Variants in PUDP observed in about 807,000 individuals in gnomAD.
PUDP encodes pseudouridine 5'-phosphatase.
A neutral mutation model predicts 9.4 loss-of-function variants in PUDP; 8 were observed. The observed-to-expected ratio is 0.85, with a 90% confidence interval of 0.50 to 1.53. The LOEUF (loss-of-function observed/expected upper bound fraction) is 1.53, where lower values mean the gene tolerates loss of function less well. Ranked by LOEUF, PUDP falls within the 40% of genes most tolerant of loss-of-function variation. The probability of loss-of-function intolerance (pLI) is 0.00; values close to 1 mark genes in which losing one functional copy is unlikely to be tolerated. For missense variants in PUDP, 188 were observed against 189.7 expected (o/e 0.99, Z 0.05); for synonymous variants, 99 against 80.7 (o/e 1.23, Z -1.22).
At chrX:6,939,120 G>A (rs1233566072) in intron 3 of PUDP, among the ~76,000 whole-genome samples, 1 of 109,908 alleles carries the variant, frequency 9.1e-6, no homozygotes, top group Non-Finnish European at 1.9e-5. Flanking sequence ...GGAAGTGGAG[G>A]AAATCCAATT....
At chrX:6,837,628 G>A (rs779204959) in intron 3 of PUDP, among the ~76,000 whole-genome samples, 5 of 112,351 alleles carry the variant, frequency 4.5e-5, no homozygotes, top group Non-Finnish European at 7.5e-5. Context: ...CGCATTCCAC[G>A]TGTTTAGGTG....
intron 3 of PUDP, among the ~76,000 whole-genome samples, chrX:6,910,405 C>T (rs1927831959): frequency 9.0e-6 from 1 of 111,725 alleles, no homozygotes; most frequent in African/African-American, 3.3e-5. Flanking sequence ...TTGAGTACAA[C>T]CAACCTGAAA....
Position 7,072,423 on chromosome X carries a change from A to G in PUDP, c.510+4797T>C, listed in dbSNP as rs535812222. ...AAAATAGAACAGAAAAACAAAAACA[A>G]AAATAATTTTTTTAAAACCTGAAAT... On this transcript the variant is annotated intron_variant, in intron 3 of 3. Coordinates refer to ENST00000381077, the MANE Select transcript of PUDP (RefSeq NM_012080.5). 1.9e-3 allele frequency among the ~76,000 whole-genome samples: 218 copies of G among 112,286 alleles called. 3 individuals are homozygous for G. Among genetic ancestry groups the G allele is most frequent in the Admixed American group, 6.4e-3 (68 of 10,584 alleles).
At chrX:6,709,207 G>T (rs1752878468) in intron 1 of PUDP, among the ~76,000 whole-genome samples, 1 of 111,759 alleles carries the variant, frequency 8.9e-6, no homozygotes, top group Non-Finnish European at 1.9e-5. Flanking sequence ...AAAACCCAAG[G>T]TATTTAGCAT....
intron 2 of PUDP, among the ~76,000 whole-genome samples, chrX:7,079,555 T>C (rs1180352128): frequency 8.9e-6 from 1 of 112,550 alleles, no homozygotes; most frequent in African/African-American, 3.2e-5. Flanking sequence ...ACAAGAAATA[T>C]CCTATTATAA....
chrX:6,888,112 TGACTA>T (rs1346789724), intron 3 of PUDP, among the ~76,000 whole-genome samples: 1 of 111,213 alleles, frequency 9.0e-6, no homozygotes, highest in Admixed American at 9.6e-5. Flanking sequence ...AATTGTTACT[TGACTA>T]AAGTTTGAAC....
chrX:6,736,354 G>A (rs761848281), intron 3 of PUDP, among the ~76,000 whole-genome samples: 9 of 111,550 alleles, frequency 8.1e-5, no homozygotes, highest in Non-Finnish European at 1.5e-4. Context: ...CCTAATACCT[G>A]GAACCAGGAA....
chrX:7,027,752 T>C (rs1447534232), intron 1 of PUDP, among the ~76,000 whole-genome samples: 6 of 98,847 alleles, frequency 6.1e-5, no homozygotes, highest in Admixed American at 2.4e-4. Flanking sequence ...ATAGACTATA[T>C]ATATAGAATA....
chrX:7,049,971 T>A lies in PUDP; in HGVS notation c.*325A>T. 4.8e-6 allele frequency: 1 copy of A among 207,746 alleles called. No homozygotes were observed. The highest frequency in any genetic ancestry group is 8.8e-6 in the Non-Finnish European group (1 of 113,945). The allele number at this position is 207,746 out of a possible 1,213,427, so 17.1% of individuals were successfully genotyped here. On this transcript the variant is annotated 3_prime_UTR_variant, in exon 4 of 4. Transcript: ENST00000381077. ...GCATATTACCAAACTGATACACACA[T>A]GTATATATGGAGGTGTGTGTGTATA...
chrX:6,838,741 C>T (rs1335606985), intron 3 of PUDP, among the ~76,000 whole-genome samples: 1 of 111,919 alleles, frequency 8.9e-6, no homozygotes, highest in Non-Finnish European at 1.9e-5. Flanking sequence ...AGTTGGCTAT[C>T]TGGGGATTGT....
At chrX:6,894,159 C>A (rs1927554541) in intron 3 of PUDP, among the ~76,000 whole-genome samples, 1 of 110,815 alleles carries the variant, frequency 9.0e-6, no homozygotes, top group African/African-American at 3.3e-5. Context: ...GGGCTTAATA[C>A]CTGGGTGATG....
intron 1 of PUDP, among the ~76,000 whole-genome samples, chrX:7,033,577 A>G (rs753331402): frequency 3.9e-4 from 44 of 111,957 alleles, no homozygotes; most frequent in African/African-American, 1.3e-3. Flanking sequence ...AGCATGTCCT[A>G]TGTGGCAGTG....
chrX:6,874,090 C>T (rs59638393), intron 3 of PUDP, among the ~76,000 whole-genome samples: 10,066 of 108,836 alleles, frequency 0.092, 606 homozygotes, highest in East Asian at 0.46. Flanking sequence ...CCTCAGATCA[C>T]GACACTGCAC....
At chrX:6,781,224 T>C (rs1212507845) in intron 3 of PUDP, among the ~76,000 whole-genome samples, 1 of 111,384 alleles carries the variant, frequency 9.0e-6, no homozygotes, top group African/African-American at 3.3e-5. Flanking sequence ...CACCATGGCA[T>C]GACTTGGTGG....
At chrX:6,772,229 A>AT (rs1925375288) in intron 3 of PUDP, among the ~76,000 whole-genome samples, 1 of 112,218 alleles carries the variant, frequency 8.9e-6, no homozygotes, top group Non-Finnish European at 1.9e-5. Flanking sequence ...ATCTAGGGAA[A>AT]TTAACTGAAT....
intron 3 of PUDP, among the ~76,000 whole-genome samples, chrX:6,759,773 A>T (rs963618712): frequency 9.0e-6 from 1 of 111,698 alleles, no homozygotes; most frequent in Non-Finnish European, 1.9e-5. Context: ...TATGCAACAT[A>T]CTCTCATGAA....
chrX:6,819,844 G>T (rs1216849769), intron 3 of PUDP, among the ~76,000 whole-genome samples: 1 of 111,407 alleles, frequency 9.0e-6, no homozygotes, highest in African/African-American at 3.3e-5. Flanking sequence ...TTTGAGAGCG[G>T]AAGAGAGAAC....
At position 6,976,840 on chromosome X, in the gene PUDP, C is replaced by T. The variant is rs767381047; in HGVS notation, c.*247+293G>A. 5.1e-3 allele frequency among the ~76,000 whole-genome samples: 576 copies of T among 111,916 alleles called. 2 individuals are homozygous for T. Among genetic ancestry groups the T allele is most frequent in the African/African-American group, 0.017 (530 of 30,835 alleles). On this transcript the variant is annotated intron_variant and NMD_transcript_variant, in intron 3 of 3. Transcript: ENST00000655425. ...CTATGGATGAAAATCAAAGCTTCTG[C>T]TGTACTGTTCTCAGAGCCAAAGCCT...
In PUDP at chrX:6,733,704, T is replaced by C. The variant is rs190067738; in HGVS notation, c.*248-27238A>G. Among the ~76,000 whole-genome samples the C allele has an allele frequency of 6.5e-5, 7 of 106,953 alleles. No homozygotes were observed. The East Asian group carries it at 2.1e-3, about 32-fold the overall frequency. 92.9% of individuals were successfully genotyped at this position (106,953 alleles called of 115,157 possible). A position where few individuals can be genotyped will look rare whatever the true frequency, so the allele number is the denominator to read the frequency against. On this transcript the variant is annotated intron_variant and NMD_transcript_variant, in intron 3 of 3. Transcript: ENST00000655425. The stretch of plus-strand genomic sequence containing the variant: ...CACTGAGATTTAGAAAGGTGAGAGA[T>C]TGGGCCAAATTCATGATGAGAAGCG...
Sources: allele counts gnomAD v4.1 joint callset (sites outside exome capture counted in the v4.1 genomes callset), GRCh38; gene constraint gnomAD v4.1.1; transcripts MANE v1.5; gene names NCBI Gene and HGNC (gene_info 2026-07-23, HGNC 2026-07-21).